Variants in SPPL3 observed in about 807,000 individuals in gnomAD.
SPPL3 encodes the protein signal peptide peptidase like 3, also known as signal peptide peptidase-like 3.
In SPPL3, 5 loss-of-function variants were observed where a neutral mutation model predicts 42.4. The observed-to-expected ratio is 0.12, with a 90% CI of 0.06 to 0.25. SPPL3 has a LOEUF of 0.25. Among genes scored for constraint, SPPL3 ranks in the 10% least tolerant of loss-of-function variants. The probability of loss-of-function intolerance (pLI) is 1.00; values close to 1 mark genes in which losing one functional copy is unlikely to be tolerated. For missense variants in SPPL3, 235 were observed against 489.0 expected (o/e 0.48, Z 4.90); for synonymous variants, 195 against 181.8 (o/e 1.07, Z -0.58).
intron 1 of SPPL3, among the ~76,000 whole-genome samples, chr12:120,814,826 T>C (rs1349158293): frequency 2.0e-5 from 3 of 152,164 alleles, no homozygotes; most frequent in Non-Finnish European, 4.4e-5. Flanking sequence ...ATGAAATAGG[T>C]AGAATATTAA....
At chr12:120,902,862 C>G (rs1009171628) in intron 1 of SPPL3, among the ~76,000 whole-genome samples, 1 of 152,158 alleles carries the variant, frequency 6.6e-6, no homozygotes, top group African/African-American at 2.4e-5. Context: ...GATTTCCACT[C>G]TTCATGGATA....
At chr12:120,894,003 T>C (rs1469266131) in intron 1 of SPPL3, among the ~76,000 whole-genome samples, 1 of 152,202 alleles carries the variant, frequency 6.6e-6, no homozygotes, top group Non-Finnish European at 1.5e-5. Flanking sequence ...CTTCTAAAAG[T>C]AGTATTTTTG....
At chr12:120,785,150 T>A (rs1217186046) in intron 3 of SPPL3, among the ~76,000 whole-genome samples, 1 of 152,076 alleles carries the variant, frequency 6.6e-6, no homozygotes, top group East Asian at 1.9e-4. Context: ...ACGCCTGTAA[T>A]CCCAGGACTT....
At chr12:120,781,431 T>C (rs1453780741) in intron 6 of SPPL3, among the ~76,000 whole-genome samples, 4 of 152,116 alleles carry the variant, frequency 2.6e-5, no homozygotes, top group African/African-American at 7.2e-5. Context: ...TTAAAGTGTA[T>C]GATGTATATC....
intron 6 of SPPL3, among the ~76,000 whole-genome samples, chr12:120,777,827 TACAAGA>T (rs1869379376): frequency 6.6e-6 from 1 of 152,174 alleles, no homozygotes; most frequent in Non-Finnish European, 1.5e-5. Context: ...TATAAGGGAA[TACAAGA>T]TGCTAAACAA....
intron 1 of SPPL3, among the ~76,000 whole-genome samples, chr12:120,901,062 A>G (rs907428056): frequency 1.3e-5 from 2 of 152,142 alleles, no homozygotes; most frequent in Non-Finnish European, 2.9e-5. Flanking sequence ...CCATATTTAT[A>G]TTTCAATAAG....
intron 4 of SPPL3, chr12:120,784,074 A>T (rs531055838): frequency 1.4e-5 from 4 of 277,812 alleles, no homozygotes; most frequent in African/African-American, 6.6e-5. Flanking sequence ...CAAAGAGCTG[A>T]CAGTCCAATC....
In SPPL3 at chr12:120,764,167, G is replaced by C. The variant is rs542170323; in HGVS notation, c.*832C>G. ...CTAGTTTGTAACTGCGGGGTCAGTT[G>C]TGAAGGGGAAGGACAGCAGCTTATC... On this transcript the variant is annotated 3_prime_UTR_variant, in exon 11 of 11. Transcript: ENST00000353487. 1 of 152,476 alleles carries C rather than the reference G, an allele frequency of 6.6e-6. No homozygotes were observed. Among genetic ancestry groups the C allele is most frequent in the South Asian group, 2.1e-4 (1 of 4,824 alleles). The allele number at this position is 152,476 out of a possible 1,614,324, so 9.4% of individuals were successfully genotyped here.
chr12:120,898,308 T>G (rs1237962916), intron 1 of SPPL3, among the ~76,000 whole-genome samples: 45 of 109,820 alleles, frequency 4.1e-4, no homozygotes, highest in African/African-American at 7.4e-4. Context: ...TTTTTTTTTT[T>G]TTTTTTAAAA....
intron 1 of SPPL3, among the ~76,000 whole-genome samples, chr12:120,835,950 T>A (rs935844372): frequency 3.5e-4 from 53 of 152,342 alleles, no homozygotes; most frequent in African/African-American, 1.3e-3. Context: ...GAAATGGGCA[T>A]TAGCAACAGA....
intron 7 of SPPL3, 196 bp from the exon 8 acceptor site, chr12:120,768,684 C>T (rs1868995389): frequency 2.8e-6 from 2 of 712,542 alleles, no homozygotes; most frequent in South Asian, 3.9e-5. Flanking sequence ...AGAGATTACT[C>T]CCTGACGGGG....
intron 1 of SPPL3, among the ~76,000 whole-genome samples, chr12:120,838,928 A>G (rs1290035684): frequency 6.6e-6 from 1 of 152,204 alleles, no homozygotes; most frequent in Non-Finnish European, 1.5e-5. Context: ...AACTAGTTCA[A>G]CCATTGTGGA....
chr12:120,784,907 G>C (rs573465438), intron 3 of SPPL3, among the ~76,000 whole-genome samples: 99 of 152,056 alleles, frequency 6.5e-4, no homozygotes, highest in Admixed American at 2.4e-3. Context: ...ACCCAGATTA[G>C]TCCATTTGGG....
chr12:120,776,675 CTTA>C (rs1869332839), intron 6 of SPPL3, among the ~76,000 whole-genome samples: 1 of 152,094 alleles, frequency 6.6e-6, no homozygotes, highest in Non-Finnish European at 1.5e-5. Context: ...GACCACACTG[CTTA>C]TTGTTTTGAG....
At chr12:120,854,750 T>C (rs1239753635) in intron 1 of SPPL3, among the ~76,000 whole-genome samples, 2 of 152,176 alleles carry the variant, frequency 1.3e-5, no homozygotes, top group Non-Finnish European at 2.9e-5. Context: ...TACAAACCTT[T>C]CCAAAGGTCA....
At chr12:120,796,170 G>A (rs1409777095) in intron 2 of SPPL3, among the ~76,000 whole-genome samples, 7 of 152,120 alleles carry the variant, frequency 4.6e-5, no homozygotes, top group Non-Finnish European at 1.5e-5. Flanking sequence ...GACGACAGGA[G>A]TTTGAAACCA....
At chr12:120,889,913 A>C (rs1168945) in intron 1 of SPPL3, among the ~76,000 whole-genome samples, 37,109 of 152,136 alleles carry the variant, frequency 0.24, 5,622 homozygotes, top group Non-Finnish European at 0.35. Context: ...ACTGATAGCA[A>C]TTTAAGACAT....
chr12:120,784,695 G>GATT, intron 3 of SPPL3, 102 bp from the exon 4 acceptor site: 1 of 834,160 alleles, frequency 1.2e-6, no homozygotes, highest in Non-Finnish European at 1.8e-6. Context: ...CAGTTCTACG[G>GATT]ATTATACGTA....
intron 1 of SPPL3, among the ~76,000 whole-genome samples, chr12:120,890,008 G>A (rs529702738): frequency 6.6e-6 from 1 of 152,210 alleles, no homozygotes; most frequent in African/African-American, 2.4e-5. Context: ...CACTTTGGGA[G>A]GCCAACGTGG....
Sources: gnomAD v4.1 joint callset for allele counts (sites outside exome capture counted in the v4.1 genomes callset) on GRCh38, gnomAD v4.1.1 for gene constraint, MANE v1.5 for transcripts, NCBI Gene and HGNC (gene_info 2026-07-23, HGNC 2026-07-21) for gene names.